The following ADA2 variants were observed in gnomAD, a reference collection of about 807,000 sequenced individuals.
ADA2 encodes the protein adenosine deaminase 2.
ADA2 carries 29 observed loss-of-function variants against 44.2 expected under a neutral mutation model. That is an observed-to-expected ratio of 0.66 (90% CI 0.49 to 0.89). The LOEUF (loss-of-function observed/expected upper bound fraction) is 0.89. ADA2 is among the 40% of genes least tolerant of loss of function. The pLI, the probability that ADA2 is intolerant of heterozygous loss-of-function variation, is 0.00. For synonymous variants in ADA2, 215 were observed against 234.9 expected (o/e 0.92, Z 0.77); for missense variants, 637 against 644.8 (o/e 0.99, Z 0.13).
At chr22:17,191,547 A>T in intron 5 of ADA2, 136 bp downstream of exon 5, 1 of 973,122 alleles carries the variant, frequency 1.0e-6, no homozygotes, top group Non-Finnish European at 1.6e-6. Context: ...ACACAGGCAC[A>T]GCACAGCTCC....
chr22:17,196,982 G>A (rs2062199055), intron 4 of ADA2, among the ~76,000 whole-genome samples: 1 of 152,172 alleles, frequency 6.6e-6, no homozygotes, highest in Non-Finnish European at 1.5e-5. Context: ...AGAGCAGCCT[G>A]GCCAACATGG....
At chr22:17,199,454 CGAAGA>C in intron 4 of ADA2, 4 of 1,241,378 alleles carry the variant, frequency 3.2e-6, no homozygotes, top group South Asian at 1.2e-5. Context: ...CCTCCACCCA[CGAAGA>C]TCCCAGGGTT....
intron 1 of ADA2, among the ~76,000 whole-genome samples, chr22:17,217,463 G>T (rs1275921152): frequency 6.6e-6 from 1 of 152,138 alleles, no homozygotes; most frequent in Non-Finnish European, 1.5e-5. Context: ...CTGAAGGAAG[G>T]AAATGTATTC....
rs2062116326 is a variant in ADA2 at position 17,191,664 on chromosome 22, CA to C, written c.881+18del. ...TCCCAGCCTCCCAACCCGAGCTTTT[CA>C]GCAATATTCTCTCTCACCTGTGATC... On this transcript the variant is annotated intron_variant, in intron 5 of 9. Coordinates refer to ENST00000399837, the MANE Select transcript of ADA2 (RefSeq NM_001282225.2). The C allele has an allele frequency of 6.2e-7, 1 of 1,601,044 alleles. No individual in the cohort carries two copies. The highest frequency in any genetic ancestry group is 1.1e-5 in the South Asian group (1 of 90,716).
At position 17,203,710 on chromosome 22, in the gene ADA2, A is replaced by G. The variant is rs1271797958; in HGVS notation, c.606T>C (p.Val202=). Residue 202 remains valine (V), a synonymous_variant, in exon 4 of 10, where the codon GTT becomes GTC. Coordinates refer to ENST00000399837, the MANE Select transcript of ADA2 (RefSeq NM_001282225.2). ...HPEVIYTNQN[V]VWSKFETIFF... Reference sequence around the variant, plus strand: ...AGATGGTTTCAAATTTCGACCAGACAACATTTTGGTTTGTGTAAATCACCT... The same window carrying G: ...AGATGGTTTCAAATTTCGACCAGACGACATTTTGGTTTGTGTAAATCACCT... 1 of 1,614,202 alleles carries G rather than the reference A, an allele frequency of 6.2e-7. No individual in the cohort carries two copies. Among genetic ancestry groups the G allele is most frequent in the Non-Finnish European group, 8.5e-7 (1 of 1,180,024 alleles).
intron 1 of ADA2, among the ~76,000 whole-genome samples, chr22:17,210,777 T>C (rs2062410636): frequency 6.6e-6 from 1 of 151,090 alleles, no homozygotes; most frequent in Non-Finnish European, 1.5e-5. Context: ...TTTGTATTTT[T>C]AATAGAGACC....
intron 1 of ADA2, among the ~76,000 whole-genome samples, chr22:17,216,640 A>G (rs1371308968): frequency 6.6e-6 from 1 of 151,868 alleles, no homozygotes; most frequent in Non-Finnish European, 1.5e-5. Context: ...TGTGCCTGTA[A>G]TCCCAGCTAC....
rs1230026265 is a variant in ADA2 at position 17,180,623 on chromosome 22, T to C, written c.*860A>G. ...CTGGGCAACATAGCAAGACACTCTTTAGAAAAATTAAAGTAGAGAAAAAGA... is the reference window on the plus strand; with the variant it reads ...CTGGGCAACATAGCAAGACACTCTTCAGAAAAATTAAAGTAGAGAAAAAGA... On this transcript the variant is annotated 3_prime_UTR_variant, in exon 10 of 10. Coordinates refer to ENST00000399837, the MANE Select transcript of ADA2 (RefSeq NM_001282225.2). The C allele has an allele frequency of 1.3e-5, 2 of 151,526 alleles. No individual in the cohort carries two copies. Among genetic ancestry groups the C allele is most frequent in the Admixed American group, 6.6e-5 (1 of 15,228 alleles). The allele number at this position is 151,526 out of a possible 1,614,324, so 9.4% of individuals were successfully genotyped here.
chr22:17,183,060 A>G (rs1284281474), intron 7 of ADA2, among the ~76,000 whole-genome samples: 1 of 152,158 alleles, frequency 6.6e-6, no homozygotes, highest in Non-Finnish European at 1.5e-5. Flanking sequence ...TCACACAGTA[A>G]GTAGCAAAAC....
At chr22:17,216,202 TATA>T (rs1720161546) in intron 1 of ADA2, among the ~76,000 whole-genome samples, 2 of 151,534 alleles carry the variant, frequency 1.3e-5, no homozygotes, top group Non-Finnish European at 2.9e-5. Flanking sequence ...AATAAATAAA[TATA>T]ATAATAAAAA....
intron 6 of ADA2, 144 bp downstream of exon 6, chr22:17,189,798 T>G (rs1348562733): frequency 1.6e-6 from 1 of 632,746 alleles, no homozygotes; most frequent in Non-Finnish European, 2.9e-6. Flanking sequence ...AGCCCTGCTG[T>G]GTCAGCAGCC....
chr22:17,188,456 CAG>C lies in ADA2; in HGVS notation c.973-11_973-10del. 6.3e-7 allele frequency: 1 copy of C among 1,593,386 alleles called. No homozygotes were observed. Among genetic ancestry groups the C allele is most frequent in the Non-Finnish European group, 8.6e-7 (1 of 1,161,534 alleles). On this transcript the variant is annotated splice_polypyrimidine_tract_variant and intron_variant, in intron 6 of 9. Coordinates refer to ENST00000399837, the MANE Select transcript of ADA2 (RefSeq NM_001282225.2). ...GTGTCCTCATGCCCCACCTGCAGGACAGAGAGGGACAGGGAGGTGTCTGCAGG... is the reference window on the plus strand; with the variant it reads ...GTGTCCTCATGCCCCACCTGCAGGACAGAGGGACAGGGAGGTGTCTGCAGG...
At chr22:17,201,432 T>A (rs527976785) in intron 4 of ADA2, among the ~76,000 whole-genome samples, 1 of 152,262 alleles carries the variant, frequency 6.6e-6, no homozygotes, top group African/African-American at 2.4e-5. Flanking sequence ...AAAACTAAAA[T>A]ACTGCCACCA....
At chr22:17,193,315 G>A in intron 4 of ADA2, 1 of 387,246 alleles carries the variant, frequency 2.6e-6, no homozygotes, top group South Asian at 2.1e-5. Flanking sequence ...TGAGTAGACA[G>A]CTCATGTCCC....
intron 4 of ADA2, among the ~76,000 whole-genome samples, chr22:17,196,106 G>C (rs532788249): frequency 6.6e-6 from 1 of 151,954 alleles, no homozygotes; most frequent in Admixed American, 6.6e-5. Flanking sequence ...CAGCACTTTG[G>C]GGGGCCAAGG....
rs372894982 is a variant in ADA2, at chr22:17,217,184, T to C, written c.-47+2172A>G. Among the ~76,000 whole-genome samples the C allele has an allele frequency of 3.0e-4, 46 of 151,468 alleles. 1 individual carries two copies. The highest frequency in any genetic ancestry group is 1.1e-3 in the African/African-American group (44 of 41,288). ...CAAAATAGGAGAAAAGAAAATGAGA[T>C]GATTATTGGTTGAAGAAATCCAACA... On this transcript the variant is annotated intron_variant, in intron 1 of 9. Transcript: ENST00000399837.
chr22:17,220,344 A>C (rs9606655), upstream of ADA2, among the ~76,000 whole-genome samples: 31 of 151,928 alleles, frequency 2.0e-4, no homozygotes, highest in African/African-American at 7.0e-4. Context: ...CAGGACGGTC[A>C]GAGTCAGACC....
intron 4 of ADA2, among the ~76,000 whole-genome samples, chr22:17,201,792 G>A (rs1219127330): frequency 1.3e-5 from 2 of 152,042 alleles, no homozygotes; most frequent in Non-Finnish European, 2.9e-5. Flanking sequence ...ACGGAGCCTG[G>A]TGTCAGTCCA....
In ADA2 at chr22:17,180,833, G is replaced by C. The variant is rs957937633; in HGVS notation, c.*650C>G. On this transcript the variant is annotated 3_prime_UTR_variant, in exon 10 of 10. Coordinates refer to ENST00000399837, the MANE Select transcript of ADA2 (RefSeq NM_001282225.2). ...AGAGAGAGAAGAGAAATAAAGAGGA[G>C]AGAGTTAAAGAGACCAGAATAGGCC... 2 of 152,162 alleles carry C rather than the reference G, an allele frequency of 1.3e-5. No individual in the cohort carries two copies. Among genetic ancestry groups the C allele is most frequent in the Admixed American group, 6.6e-5 (1 of 15,238 alleles). The allele number at this position is 152,162 out of a possible 1,614,324, so 9.4% of individuals were successfully genotyped here.
Sources: gnomAD v4.1 joint callset for allele counts (sites outside exome capture counted in the v4.1 genomes callset) on GRCh38, gnomAD v4.1.1 for gene constraint, MANE v1.5 for transcripts, NCBI Gene and HGNC (gene_info 2026-07-23, HGNC 2026-07-21) for gene names.